Variants in ARHGAP39 observed in about 807,000 individuals in gnomAD.
The protein encoded by ARHGAP39 is Rho GTPase activating protein 39, also known as rho GTPase-activating protein 39.
ARHGAP39 carries 44 observed loss-of-function variants against 106.9 expected under a neutral mutation model. The observed-to-expected ratio is 0.41, with a 90% CI of 0.32 to 0.53. ARHGAP39 has a LOEUF of 0.53. Among genes scored for constraint, ARHGAP39 ranks in the 20% least tolerant of loss-of-function variants. ARHGAP39 has a pLI of 0.21. For missense variants in ARHGAP39, 1,496 were observed against 1,577.3 expected, an observed-to-expected ratio of 0.95 and a Z score of 0.87; for synonymous variants, 768 against 693.2, an observed-to-expected ratio of 1.11 and a Z score of -1.69.
rs934378837 is a variant in ARHGAP39 at position 144,591,607 on chromosome 8, G to T, written c.81-10330C>A. Among the ~76,000 whole-genome samples, 14 of 152,190 alleles carry T rather than the reference G, an allele frequency of 9.2e-5. No homozygotes were observed. The highest frequency in any genetic ancestry group is 3.4e-4 in the African/African-American group (14 of 41,452). On this transcript the variant is annotated intron_variant, in intron 2 of 11. Transcript: ENST00000377307. This position sits in a 1 kb window ranked among gnomAD's most constrained non-coding sequence, Gnocchi z 5.3. ...CTCCGGGAGGCCAGTGGTGCTGGGG[G>T]ACAGGGTGCGTGCCAGAAGAGAGGC...
intron 1 of ARHGAP39, among the ~76,000 whole-genome samples, chr8:144,678,262 T>A (rs1479162181): frequency 2.0e-5 from 3 of 148,828 alleles, no homozygotes; most frequent in African/African-American, 7.5e-5. Flanking sequence ...CCACCCTGAC[T>A]CTCTCTCTAA....
In ARHGAP39 at chr8:144,641,815, G is replaced by A. The variant is rs1229642033; in HGVS notation, c.-81-36120C>T. 6.6e-6 allele frequency among the ~76,000 whole-genome samples: 1 copy of A among 152,234 alleles called. No individual in the cohort carries two copies. Among genetic ancestry groups the A allele is most frequent in the Non-Finnish European group, 1.5e-5 (1 of 68,032 alleles). On this transcript the variant is annotated intron_variant, in intron 1 of 11. Coordinates refer to ENST00000377307, the MANE Select transcript of ARHGAP39 (RefSeq NM_025251.3). The surrounding 1 kb of genome is among the most constrained non-coding windows in gnomAD (Gnocchi z 5.2). ...TGCATTTACCCATCATGCAAGGAGA[G>A]GGGGACATCCCATCACAGTGCAGCC...
chr8:144,699,293 G>A, the ARHGAP39 span: 1 of 60,696 alleles, frequency 1.6e-5, no homozygotes, highest in Non-Finnish European at 3.3e-5. Flanking sequence ...CGGGGCCTTG[G>A]GGCGGGCGCT....
At chr8:144,682,345 C>A (rs973743000) in intron 1 of ARHGAP39, among the ~76,000 whole-genome samples, 2 of 149,566 alleles carry the variant, frequency 1.3e-5, no homozygotes, top group Non-Finnish European at 3.0e-5. Context: ...GTCAGGAGAT[C>A]GAGACCATCT....
intron 2 of ARHGAP39, among the ~76,000 whole-genome samples, chr8:144,595,271 T>C (rs1189925136): frequency 6.6e-6 from 1 of 152,234 alleles, no homozygotes; most frequent in Non-Finnish European, 1.5e-5. Context: ...GTAACAGGGA[T>C]GCAGCCCAGA....
At chr8:144,561,158 ACCCCAGTGG>A (rs1818127642) in intron 3 of ARHGAP39, among the ~76,000 whole-genome samples, 1 of 151,982 alleles carries the variant, frequency 6.6e-6, no homozygotes. Flanking sequence ...TTTCCATCAC[ACCCCAGTGG>A]TTTCCATCGC....
chr8:144,594,694 CAAAAA>C (rs56889764), intron 2 of ARHGAP39, among the ~76,000 whole-genome samples: 2 of 80,336 alleles, frequency 2.5e-5, no homozygotes, highest in Non-Finnish European at 2.8e-5. Context: ...AACGCCACCT[CAAAAA>C]AAAAAAAAAA....
In ARHGAP39 at chr8:144,647,596, C is replaced by G. The variant is rs1204883910; in HGVS notation, c.-82+38090G>C. Among the ~76,000 whole-genome samples, 5 of 152,254 alleles carry G rather than the reference C, an allele frequency of 3.3e-5. 1 individual carries two copies. Among genetic ancestry groups the G allele is most frequent in the Admixed American group, 3.3e-4 (5 of 15,288 alleles). Reference sequence around the variant, plus strand: ...TCTTCCTGAGGAAATGAAAACAAAACAGCAATGAAAACGACTTTACACCAG... The same window carrying G: ...TCTTCCTGAGGAAATGAAAACAAAAGAGCAATGAAAACGACTTTACACCAG... On this transcript the variant is annotated intron_variant, in intron 1 of 11. Transcript: ENST00000377307. This position sits in a 1 kb window ranked among gnomAD's most constrained non-coding sequence, Gnocchi z 4.8.
chr8:144,530,635 T>C lies in ARHGAP39; in HGVS notation c.3151-19A>G. On this transcript the variant is annotated intron_variant, in intron 11 of 11. Transcript: ENST00000377307. ...CGAAGACCTGGTGGAGGAGCGAGGG[T>C]GGGCGCGGAGGGGCGGGGGCGGGGC... 4.1e-6 allele frequency: 2 copies of C among 486,484 alleles called. No homozygotes were observed. Among genetic ancestry groups the C allele is most frequent in the Non-Finnish European group, 5.1e-6 (2 of 389,498 alleles). The allele number at this position is 486,484 out of a possible 1,614,324, so 30.1% of individuals were successfully genotyped here.
At chr8:144,609,050 C>T (rs1820393337) in intron 1 of ARHGAP39, among the ~76,000 whole-genome samples, 1 of 152,168 alleles carries the variant, frequency 6.6e-6, no homozygotes, top group South Asian at 2.1e-4. Context: ...ATTTTTCTTG[C>T]ATAATTGCAC....
chr8:144,571,373 A>T (rs1027034142), intron 3 of ARHGAP39, among the ~76,000 whole-genome samples: 1 of 152,194 alleles, frequency 6.6e-6, no homozygotes, highest in Non-Finnish European at 1.5e-5. Context: ...AGAACAATCG[A>T]CAAAACCTAA....
At chr8:144,579,894 G>A (rs962019239) in intron 3 of ARHGAP39, among the ~76,000 whole-genome samples, 1 of 152,050 alleles carries the variant, frequency 6.6e-6, no homozygotes, top group African/African-American at 2.4e-5. Flanking sequence ...CCTCTCCAGA[G>A]TGGCCTCCAT....
rs529298958 is a variant in ARHGAP39, at chr8:144,560,263, C to T, written c.513-4620G>A. 3.9e-4 allele frequency among the ~76,000 whole-genome samples: 60 copies of T among 152,222 alleles called. 1 individual carries two copies. In the South Asian group the frequency reaches 0.012, roughly 31 times the overall value. ...AGCCTGGCCAACATGGTGAAACCCCCGTCTCTACTAAAAATACAATAAGTA... is the reference window on the plus strand; with the variant it reads ...AGCCTGGCCAACATGGTGAAACCCCTGTCTCTACTAAAAATACAATAAGTA... On this transcript the variant is annotated intron_variant, in intron 3 of 11. Transcript: ENST00000377307.
intron 1 of ARHGAP39, among the ~76,000 whole-genome samples, chr8:144,611,442 T>C (rs1383877062): frequency 1.3e-5 from 2 of 152,210 alleles, no homozygotes; most frequent in Non-Finnish European, 2.9e-5. Flanking sequence ...GAGAAACAGG[T>C]CAGGAGAGTC....
chr8:144,629,288 C>T (rs1341057662), intron 1 of ARHGAP39, among the ~76,000 whole-genome samples: 1 of 152,196 alleles, frequency 6.6e-6, no homozygotes, highest in Non-Finnish European at 1.5e-5. Flanking sequence ...GCACCAATGG[C>T]GACACCTCAA....
intron 1 of ARHGAP39, among the ~76,000 whole-genome samples, chr8:144,606,314 C>T (rs534717473): frequency 6.6e-6 from 1 of 152,288 alleles, no homozygotes; most frequent in Admixed American, 6.5e-5. Context: ...GGATTTTCTT[C>T]CTCCTCTGCC....
At chr8:144,620,180 TGAGA>T (rs1448516192) in intron 1 of ARHGAP39, among the ~76,000 whole-genome samples, 1 of 145,582 alleles carries the variant, frequency 6.9e-6, no homozygotes, top group Non-Finnish European at 1.5e-5. Flanking sequence ...TGTGTGTCCC[TGAGA>T]GAGCGTGTGT....
In ARHGAP39 at chr8:144,548,428, G is replaced by T. The variant is rs773718640; in HGVS notation, c.658C>A (p.Arg220=). 6.2e-6 allele frequency: 10 copies of T among 1,610,662 alleles called. No individual in the cohort carries two copies. The African/African-American group carries it at 1.3e-4, about 22-fold the overall frequency. Residue 220 remains arginine, a synonymous_variant, in exon 5 of 12, where the codon CGG becomes AGG. Transcript: ENST00000377307. This position sits in a 1 kb window ranked among gnomAD's most constrained non-coding sequence, Gnocchi z 7.4. Reference sequence around the variant, plus strand: ...TGGGCGGCGAGGAAGCTGGGCTCCCGATCAGCGACCTTGATGAGCATGCGC... The same window carrying T: ...TGGGCGGCGAGGAAGCTGGGCTCCCTATCAGCGACCTTGATGAGCATGCGC... ...KERMLIKVAD[R]EPSFLAAQGN...
intron 1 of ARHGAP39, among the ~76,000 whole-genome samples, chr8:144,658,652 T>C (rs980050320): frequency 2.6e-5 from 4 of 152,096 alleles, no homozygotes; most frequent in African/African-American, 7.2e-5. Context: ...CCATTCCCCA[T>C]GGACACTGAG....
Sources: allele counts gnomAD v4.1 joint callset (sites outside exome capture counted in the v4.1 genomes callset), GRCh38; gene constraint gnomAD v4.1.1; non-coding constraint Gnocchi (gnomAD v3.1); transcripts MANE v1.5; gene names NCBI Gene and HGNC (gene_info 2026-07-23, HGNC 2026-07-21).